Variants in DMBT1 observed in about 807,000 individuals in gnomAD.
The protein encoded by DMBT1 is deleted in malignant brain tumors 1.
DMBT1 carries 198 observed loss-of-function variants against 252.9 expected under a neutral mutation model. That is an observed-to-expected ratio of 0.78 (90% CI 0.70 to 0.88). DMBT1 has a LOEUF of 0.88. Ranked by LOEUF, DMBT1 falls within the 40% of genes least tolerant of loss-of-function variation. DMBT1 has a pLI of 0.00. For synonymous variants in DMBT1, 990 were observed against 942.7 expected (o/e 1.05, Z -0.92); for missense variants, 2,432 against 2,404.7 (o/e 1.01, Z -0.24).
At chr10:122,636,493 A>C (rs1383756760) in intron 53 of DMBT1, among the ~76,000 whole-genome samples, 1 of 152,258 alleles carries the variant, frequency 6.6e-6, no homozygotes, top group African/African-American at 2.4e-5. Flanking sequence ...TCAGTGCCAA[A>C]GGCAGAGGTG....
rs1482743468 is a variant in DMBT1, at chr10:122,598,815, G to A, written c.2998G>A (p.Asp1000Asn). Reference protein sequence around the residue: ...SLALRLVNGGDRCQGRVEVLY... With the variant: ...SLALRLVNGGNRCQGRVEVLY... ...GGCCCTGAGGCTGGTGAATGGAGGT[G>A]ACAGGTGTCAGGGCCGAGTGGAGGT... Residue 1000 changes from aspartate (D) to asparagine (N), a missense_variant, in exon 26 of 56, where the codon GAC (aspartate) becomes AAC (asparagine). By Grantham distance (23) the Asp-to-Asn change is conservative (BLOSUM62 1). Coordinates refer to ENST00000338354, the MANE Select transcript of DMBT1 (RefSeq NM_001377530.1). 6.2e-7 allele frequency: 1 copy of A among 1,613,566 alleles called. No homozygotes were observed. The highest frequency in any genetic ancestry group is 1.1e-5 in the South Asian group (1 of 91,050).
chr10:122,587,531 A>AT lies in DMBT1; in HGVS notation c.1783+1158dup, dbSNP rs113740261. 1.2e-3 allele frequency among the ~76,000 whole-genome samples: 175 copies of AT among 145,164 alleles called. 7 individuals are homozygous for AT. Among genetic ancestry groups the AT allele is most frequent in the Middle Eastern group, 6.8e-3 (2 of 294 alleles). On this transcript the variant is annotated intron_variant, in intron 16 of 55. Transcript: ENST00000338354. ...TGGGCTAGAAGATCACAGGCTGGAT[A>AT]TTTTTTTTTTGCAGGAGTGGCCTCT...
intron 49 of DMBT1, 36 bp from the exon 50 acceptor site, chr10:122,631,819 T>G: frequency 6.2e-7 from 1 of 1,613,302 alleles, no homozygotes; most frequent in Non-Finnish European, 8.5e-7. Context: ...AAGCCACATG[T>G]CTGTGACCTA....
At chr10:122,599,544 A>G (rs533083450) in intron 26 of DMBT1, among the ~76,000 whole-genome samples, 2 of 152,312 alleles carry the variant, frequency 1.3e-5, no homozygotes, top group Admixed American at 6.5e-5. Context: ...TAGAGGCTCA[A>G]GGGTTAGGAG....
rs1371609009 is a variant in DMBT1 at position 122,643,140 on chromosome 10, C to G, written c.7371C>G (p.Thr2457=). 6.2e-7 allele frequency: 1 copy of G among 1,613,876 alleles called. No homozygotes were observed. Among genetic ancestry groups the G allele is most frequent in the East Asian group, 2.2e-5 (1 of 44,868 alleles). Residue 2457 remains threonine, a synonymous_variant, in exon 56 of 56, where the codon ACC becomes ACG. Transcript: ENST00000338354. ...CTTCCAGATGCGTGAGGGATGACAC[C>G]TACGGACCCTACTCCTCGCCATCTC... is the stretch of plus-strand genomic sequence containing the variant. ...LIRSGCVRDD[T]YGPYSSPSLR... is the part of the protein sequence containing the mutation.
chr10:122,566,311 T>C (rs201957612), intron 2 of DMBT1, among the ~76,000 whole-genome samples: 1 of 88,000 alleles, frequency 1.1e-5, no homozygotes, highest in East Asian at 4.2e-4. Flanking sequence ...TCTTTTTTTT[T>C]CTTTTTCTTT....
In DMBT1 at chr10:122,579,653, G is replaced by A. The variant is rs749196088; in HGVS notation, c.755G>A (p.Arg252Gln). Residue 252 changes from arginine (R) to glutamine (Q), a missense_variant, in exon 10 of 56, where the codon CGA becomes CAA. Coordinates refer to ENST00000338354, the MANE Select transcript of DMBT1 (RefSeq NM_001377530.1). ...CGAGGCCGAGTGGAGGTCCTATACC[G>A]AGGCTCCTGGGGCACCGTGTGTGAT... ...RCRGRVEVLY[R>Q]GSWGTVCDDY... is the part of the protein sequence containing the mutation. 42 of 1,613,594 alleles carry A rather than the reference G, an allele frequency of 2.6e-5. No individual in the cohort carries two copies. In the Admixed American group the frequency reaches 4.5e-4, roughly 17 times the overall value.
rs776949913 is a variant in DMBT1, at chr10:122,634,340, T to TTTTCTTTCTTTC, written c.6548+1051_6548+1062dup. ...GCAGAGAGGACATTACTAAAAGCAC[T>TTTTCTTTCTTTC]TTTCTTTCTTTCTTTCTTTCTTTCT... On this transcript the variant is annotated intron_variant, in intron 52 of 55. Coordinates refer to ENST00000338354, the MANE Select transcript of DMBT1 (RefSeq NM_001377530.1). Among the ~76,000 whole-genome samples the TTTTCTTTCTTTC allele has an allele frequency of 4.7e-3, 469 of 99,828 alleles. 18 individuals are homozygous for TTTTCTTTCTTTC. Among genetic ancestry groups the TTTTCTTTCTTTC allele is most frequent in the East Asian group, 8.1e-3 (21 of 2,600 alleles). The allele number at this position is 99,828 out of a possible 152,430, so 65.5% of individuals were successfully genotyped here.
rs750403575 is a variant in DMBT1 at position 122,589,155 on chromosome 10, C to G, written c.1995C>G (p.Val665=). Residue 665 remains valine, a synonymous_variant, in exon 17 of 56, where the codon GTC becomes GTG. Transcript: ENST00000338354. Reference sequence around the variant, plus strand: ...TTGGTCAGGGCTCAGGACCCATTGTCCTGGATGATGTGCGCTGCTCAGGAC... The same window carrying G: ...TTGGTCAGGGCTCAGGACCCATTGTGCTGGATGATGTGCGCTGCTCAGGAC... ...ARFGQGSGPI[V]LDDVRCSGHE... 3 of 1,588,286 alleles carry G rather than the reference C, an allele frequency of 1.9e-6. No homozygotes were observed. The highest frequency in any genetic ancestry group is 2.7e-5 in the African/African-American group (2 of 74,518).
intron 44 of DMBT1, among the ~76,000 whole-genome samples, chr10:122,622,413 C>T (rs961609103): frequency 4.6e-5 from 7 of 152,244 alleles, no homozygotes; most frequent in African/African-American, 1.7e-4. Flanking sequence ...TCTCAGTTAT[C>T]CAGAATGTTT....
intron 1 of DMBT1, among the ~76,000 whole-genome samples, chr10:122,563,446 A>T (rs1389827004): frequency 5.9e-5 from 9 of 152,308 alleles, no homozygotes; most frequent in Middle Eastern, 3.4e-3. Context: ...TGAAATCCAG[A>T]TAAAGCCTGG....
At position 122,586,323 on chromosome 10, in the gene DMBT1, C is replaced by A. The variant is rs766174555; in HGVS notation, c.1723C>A (p.His575Asn). The change falls in exon 16 of 56, where the codon CAC becomes AAC. Residue 575 changes from histidine to asparagine, a missense_variant. By Grantham distance (68) the His-to-Asn change is moderately conservative. Transcript: ENST00000338354. ...TGAGTCCTACTTGTGGAGCTGCCCCCACAATGGCTGGCTCTCCCATAACTG... is the reference window on the plus strand; with the variant it reads ...TGAGTCCTACTTGTGGAGCTGCCCCAACAATGGCTGGCTCTCCCATAACTG... Reference protein sequence around the residue: ...GNESYLWSCPHNGWLSHNCGH... With the variant: ...GNESYLWSCPNNGWLSHNCGH... The A allele has an allele frequency of 3.8e-6, 6 of 1,588,726 alleles. 1 individual carries two copies. The highest frequency in any genetic ancestry group is 2.3e-5 in the East Asian group (1 of 42,744).
At chr10:122,634,430 T>TTC (rs764559052) in intron 52 of DMBT1, among the ~76,000 whole-genome samples, 1,560 of 74,182 alleles carry the variant, frequency 0.021, 43 homozygotes, top group Non-Finnish European at 0.032. Flanking sequence ...TCTCTCTCTC[T>TTC]TCTCTCTCTC....
intron 1 of DMBT1, among the ~76,000 whole-genome samples, chr10:122,562,420 C>A (rs960438753): frequency 6.6e-6 from 1 of 152,186 alleles, no homozygotes. Context: ...AGGCCCACCC[C>A]CTGTGATGAG....
At chr10:122,577,965 C>A (rs2097727822) in intron 8 of DMBT1, 125 bp downstream of exon 8, 4 of 1,048,620 alleles carry the variant, frequency 3.8e-6, no homozygotes, top group South Asian at 1.6e-5. Flanking sequence ...ACCCCCAACT[C>A]TGTAACTGAG....
Position 122,643,256 on chromosome 10 carries a change from C to A in DMBT1, c.7487C>A (p.Ala2496Glu). 2 of 1,613,948 alleles carry A rather than the reference C, an allele frequency of 1.2e-6. No individual in the cohort carries two copies. The highest frequency in any genetic ancestry group is 8.5e-7 in the Non-Finnish European group (1 of 1,179,878). The change falls in exon 56 of 56, where the codon GCG becomes GAG. Residue 2496 changes from alanine to glutamate, a missense_variant. Physicochemically the swap from Ala to Glu is moderately radical, Grantham distance 107. This residue lies in a region of DMBT1 where 1,162 missense variants were observed against 1,169.0 expected (regional missense o/e 0.99). Transcript: ENST00000338354. ...CGTTGTAAAATGGTGGTGTGCAGAG[C>A]GTATGACCCCTCTTCCCGCTGCTAC... ...YLRCKMVVCR[A>E]YDPSSRCYRG...
intron 44 of DMBT1, among the ~76,000 whole-genome samples, chr10:122,622,731 T>C (rs1213069530): frequency 6.6e-6 from 1 of 152,192 alleles, no homozygotes; most frequent in Admixed American, 6.5e-5. Context: ...ATACCCATCT[T>C]TGTGTTCCTT....
chr10:122,629,194 A>T (rs2098139658), intron 46 of DMBT1, among the ~76,000 whole-genome samples: 1 of 152,212 alleles, frequency 6.6e-6, no homozygotes, highest in African/African-American at 2.4e-5. Context: ...TTATGTATAA[A>T]TGTTCATATA....
Position 122,574,759 on chromosome 10 carries a change from C to T in DMBT1, c.283+997C>T, listed in dbSNP as rs191977532. ...AGGACCACACCTTGGTGGGACAAGCCCTTTGGTATAACTGGTCCAGCCAGG... is the reference window on the plus strand; with the variant it reads ...AGGACCACACCTTGGTGGGACAAGCTCTTTGGTATAACTGGTCCAGCCAGG... On this transcript the variant is annotated intron_variant, in intron 6 of 55. Transcript: ENST00000338354. 2.6e-5 allele frequency among the ~76,000 whole-genome samples: 4 copies of T among 152,290 alleles called. No individual in the cohort carries two copies. The East Asian group carries it at 7.7e-4, about 29-fold the overall frequency.
Sources: allele counts gnomAD v4.1 joint callset (sites outside exome capture counted in the v4.1 genomes callset), GRCh38; gene constraint gnomAD v4.1.1; regional missense constraint gnomAD v4.1.1; transcripts MANE v1.5; gene names NCBI Gene and HGNC (gene_info 2026-07-23, HGNC 2026-07-21).